AZIN1: variants seen among roughly 807,000 people sequenced by gnomAD.
AZIN1 encodes the protein ornithine decarboxylase antizyme inhibitor.
In AZIN1, 12 loss-of-function variants were observed where a neutral mutation model predicts 47.4. That is an observed-to-expected ratio of 0.25 (90% CI 0.16 to 0.41). The LOEUF (loss-of-function observed/expected upper bound fraction) is 0.41. AZIN1 is among the 10% of genes least tolerant of loss of function. AZIN1 has a pLI of 1.00. For missense variants in AZIN1, 410 were observed against 532.4 expected (o/e 0.77, Z 2.26); for synonymous variants, 155 against 176.3 (o/e 0.88, Z 0.96).
In AZIN1 at chr8:102,828,909, G is replaced by A. The variant is rs145154096; in HGVS notation, c.1236-231C>T. ...GAAGTTTAAAAAGTCCTATCACCTC[G>A]TTACATCGCAGCAATCATGTCATAG... On this transcript the variant is annotated intron_variant, in intron 11 of 11. Transcript: ENST00000337198. 1.7e-3 allele frequency among the ~76,000 whole-genome samples: 255 copies of A among 152,276 alleles called. 1 individual carries two copies. The highest frequency in any genetic ancestry group is 5.9e-3 in the African/African-American group (244 of 41,552).
intron 3 of AZIN1, among the ~76,000 whole-genome samples, chr8:102,840,870 A>G (rs183509347): frequency 2.0e-5 from 3 of 152,358 alleles, no homozygotes; most frequent in Non-Finnish European, 2.9e-5. Context: ...TGTGCAGCAG[A>G]ATTTTAACAG....
chr8:102,833,027 A>G, intron 9 of AZIN1, 29 bp downstream of exon 9: 1 of 1,562,280 alleles, frequency 6.4e-7, no homozygotes, highest in South Asian at 1.1e-5. Flanking sequence ...TCTACCAACA[A>G]AAATAAAACT....
chr8:102,852,886 A>G (rs1813007213), intron 2 of AZIN1, among the ~76,000 whole-genome samples: 2 of 152,360 alleles, frequency 1.3e-5, no homozygotes, highest in East Asian at 1.9e-4. Context: ...CCTCACCAGT[A>G]TGTAAGCACT....
intron 1 of AZIN1, among the ~76,000 whole-genome samples, chr8:102,863,324 C>A (rs1214151382): frequency 6.6e-6 from 1 of 152,134 alleles, no homozygotes; most frequent in Non-Finnish European, 1.5e-5. Flanking sequence ...CGTTGCAGCC[C>A]ACAGCGCCGC....
intron 2 of AZIN1, among the ~76,000 whole-genome samples, chr8:102,851,483 G>A (rs932009102): frequency 4.6e-5 from 7 of 152,134 alleles, no homozygotes. Flanking sequence ...TGACGCAGGT[G>A]GATCATGAGA....
Position 102,836,381 on chromosome 8 carries a change from T to C in AZIN1, c.459A>G (p.Leu153=), listed in dbSNP as rs1811824244. 2 of 1,613,920 alleles carry C rather than the reference T, an allele frequency of 1.2e-6. No homozygotes were observed. The highest frequency in any genetic ancestry group is 1.7e-6 in the Non-Finnish European group (2 of 1,179,870). The change falls in exon 6 of 12, where the codon CTA becomes CTG. Residue 153 remains leucine (L), a synonymous_variant. Coordinates refer to ENST00000337198, the MANE Select transcript of AZIN1 (RefSeq NM_148174.4). ...ARNHPNAKVL[L]HIATEDNIGG... is the part of the protein sequence containing the mutation. Reference sequence around the variant, plus strand: ...CAATATTATCTTCTGTTGCAATATGTAGTAAGACCCTAAGAGAAGGGGAGA... The same window carrying C: ...CAATATTATCTTCTGTTGCAATATGCAGTAAGACCCTAAGAGAAGGGGAGA...
chr8:102,833,998 C>A (rs1479840470), intron 8 of AZIN1, among the ~76,000 whole-genome samples, 191 bp downstream of exon 8: 1 of 151,658 alleles, frequency 6.6e-6, no homozygotes, highest in African/African-American at 2.4e-5. Context: ...TGATAATGTT[C>A]AAAGAATTCT....
intron 9 of AZIN1, among the ~76,000 whole-genome samples, chr8:102,832,082 G>A (rs1426332733): frequency 6.6e-6 from 1 of 152,066 alleles, no homozygotes; most frequent in African/African-American, 2.4e-5. Context: ...TTAATCATGA[G>A]GAATCATCCA....
chr8:102,862,128 A>G (rs758520972), intron 1 of AZIN1, among the ~76,000 whole-genome samples: 1 of 152,122 alleles, frequency 6.6e-6, no homozygotes, highest in Non-Finnish European at 1.5e-5. Flanking sequence ...GATGTTCTAC[A>G]TCTTGACAAA....
At position 102,826,842 on chromosome 8, in the gene AZIN1, T is replaced by C. The variant is rs1811140321; in HGVS notation, c.*1725A>G. ...TGTTAAATGGTTAAAAAAAGTTACA[T>C]GGTAGCTTGGAATTTTGCATAAAAC... On this transcript the variant is annotated 3_prime_UTR_variant, in exon 12 of 12. Coordinates refer to ENST00000337198, the MANE Select transcript of AZIN1 (RefSeq NM_148174.4). The C allele has an allele frequency of 1.3e-5, 2 of 152,510 alleles. No individual in the cohort carries two copies. Among genetic ancestry groups the C allele is most frequent in the African/African-American group, 4.8e-5 (2 of 41,392 alleles). The allele number at this position is 152,510 out of a possible 1,614,324, so 9.4% of individuals were successfully genotyped here.
At chr8:102,856,251 G>C (rs1456886375) in intron 2 of AZIN1, among the ~76,000 whole-genome samples, 1 of 152,012 alleles carries the variant, frequency 6.6e-6, no homozygotes, top group African/African-American at 2.4e-5. Flanking sequence ...AAAATGAGAA[G>C]ATTACATGTG....
chr8:102,828,723 GA>G (rs758182889), intron 11 of AZIN1, 45 bp from the exon 12 acceptor site: 5 of 1,257,738 alleles, frequency 4.0e-6, no homozygotes, highest in African/African-American at 1.5e-5. Flanking sequence ...TAAGCCCAAA[GA>G]CCACGTAATC....
At chr8:102,837,205 C>G (rs903049987) in intron 5 of AZIN1, among the ~76,000 whole-genome samples, 1 of 152,214 alleles carries the variant, frequency 6.6e-6, no homozygotes, top group African/African-American at 2.4e-5. Flanking sequence ...CAGGCATGAG[C>G]TACTGCGCCC....
intron 4 of AZIN1, among the ~76,000 whole-genome samples, chr8:102,839,443 T>C (rs1397074309): frequency 6.6e-6 from 1 of 152,202 alleles, no homozygotes; most frequent in Non-Finnish European, 1.5e-5. Flanking sequence ...GATAAAACGT[T>C]TCAAAGGCTC....
At chr8:102,828,860 T>C (rs1420456807) in intron 11 of AZIN1, among the ~76,000 whole-genome samples, 182 bp from the exon 12 acceptor site, 1 of 152,244 alleles carries the variant, frequency 6.6e-6, no homozygotes, top group Non-Finnish European at 1.5e-5. Flanking sequence ...CACATATGAC[T>C]GTGGTATACC....
intron 1 of AZIN1, among the ~76,000 whole-genome samples, chr8:102,863,342 C>G (rs555902191): frequency 3.3e-5 from 5 of 152,188 alleles, no homozygotes; most frequent in African/African-American, 1.2e-4. Flanking sequence ...CGCCCGCCCG[C>G]CGGGCTTCGG....
chr8:102,863,677 C>A (rs1312745846), intron 1 of AZIN1, 130 bp downstream of exon 1: 6 of 150,792 alleles, frequency 4.0e-5, no homozygotes, highest in South Asian at 3.6e-4. Flanking sequence ...CCGCCATGTT[C>A]GAGGCGGCCG....
chr8:102,841,801 T>TAAAAAAAAA (rs200248209), intron 3 of AZIN1, among the ~76,000 whole-genome samples: 3 of 115,052 alleles, frequency 2.6e-5, no homozygotes, highest in Non-Finnish European at 3.5e-5. Context: ...AATATATATA[T>TAAAAAAAAA]ATATAAAAAA....
intron 2 of AZIN1, among the ~76,000 whole-genome samples, chr8:102,854,752 C>T (rs1177536466): frequency 1.3e-5 from 2 of 150,636 alleles, no homozygotes; most frequent in African/African-American, 2.4e-5. Context: ...GAAGTTCCTA[C>T]ATGAATATAT....
Sources: allele counts gnomAD v4.1 joint callset (sites outside exome capture counted in the v4.1 genomes callset), GRCh38; gene constraint gnomAD v4.1.1; transcripts MANE v1.5; gene names NCBI Gene and HGNC (gene_info 2026-07-23, HGNC 2026-07-21).